The following OSMR variants were observed in gnomAD, a reference collection of about 807,000 sequenced individuals.
OSMR encodes the protein oncostatin-M-specific receptor subunit beta.
OSMR carries 81 observed loss-of-function variants against 99.9 expected under a neutral mutation model. The observed-to-expected ratio is 0.81, with a 90% CI of 0.68 to 0.97. The LOEUF (loss-of-function observed/expected upper bound fraction) is 0.97, where lower values mean the gene tolerates loss of function less well. Among genes scored for constraint, OSMR ranks in the 50% least tolerant of loss-of-function variants. The pLI is 0.00. For synonymous variants in OSMR, 406 were observed against 410.4 expected, an observed-to-expected ratio of 0.99 and a Z score of 0.13; for missense variants, 1,099 against 1,153.4, an observed-to-expected ratio of 0.95 and a Z score of 0.68.
At chr5:38,880,469 C>T (rs932588668) in intron 3 of OSMR, among the ~76,000 whole-genome samples, 1 of 152,068 alleles carries the variant, frequency 6.6e-6, no homozygotes, top group Non-Finnish European at 1.5e-5. Flanking sequence ...CCTGCTCCCT[C>T]GGGACCATGC....
chr5:38,926,002 AGAAG>A (rs1746456737), intron 15 of OSMR, among the ~76,000 whole-genome samples: 1 of 152,194 alleles, frequency 6.6e-6, no homozygotes, highest in Admixed American at 6.5e-5. Flanking sequence ...AGATGAAGTA[AGAAG>A]GAAGGGAGAA....
intron 3 of OSMR, among the ~76,000 whole-genome samples, chr5:38,880,051 A>C (rs2112348847): frequency 6.6e-6 from 1 of 152,318 alleles, no homozygotes; most frequent in East Asian, 1.9e-4. Flanking sequence ...ATAAAATATA[A>C]ACATTTAAAA....
At chr5:38,931,739 A>G in intron 15 of OSMR, 144 bp from the exon 16 acceptor site, 12 of 1,433,842 alleles carry the variant, frequency 8.4e-6, no homozygotes, top group Non-Finnish European at 9.2e-6. Flanking sequence ...CCCTGAAGTC[A>G]GGCAGAATTC....
Position 38,904,387 on chromosome 5 carries a change from T to C in OSMR, c.1169T>C (p.Phe390Ser), listed in dbSNP as rs1177682734. ...TCCATCAAGGTGAACGGTGAGTACT[T>C]CTTAAGTGAACTGGAACCTGCCACA... ...NVSIKVNGEYFLSELEPATEY... is the reference protein window; with the variant it reads ...NVSIKVNGEYSLSELEPATEY... The change falls in exon 9 of 18, where the codon TTC (phenylalanine) becomes TCC (serine). Residue 390 changes from phenylalanine (F) to serine (S), a missense_variant. Physicochemically the swap from Phe to Ser is radical, Grantham distance 155. Coordinates refer to ENST00000274276, the MANE Select transcript of OSMR (RefSeq NM_003999.3). 2.2e-5 allele frequency: 35 copies of C among 1,614,104 alleles called. No homozygotes were observed. Among genetic ancestry groups the C allele is most frequent in the Non-Finnish European group, 2.9e-5 (34 of 1,179,960 alleles).
At chr5:38,895,554 A>T (rs1744451366) in intron 7 of OSMR, among the ~76,000 whole-genome samples, 1 of 152,026 alleles carries the variant, frequency 6.6e-6, no homozygotes, top group Non-Finnish European at 1.5e-5. Context: ...CCCTTATCAG[A>T]TGGGTAGTTT....
rs1440025194 is a variant in OSMR at position 38,862,625 on chromosome 5, T to C, written c.-13-6407T>C. Among the ~76,000 whole-genome samples, 4 of 148,474 alleles carry C rather than the reference T, an allele frequency of 2.7e-5. No individual in the cohort carries two copies. The East Asian group carries it at 8.1e-4, about 30-fold the overall frequency. ...CCGGGTCGCGGCCAGGCAGAGGCGC[T>C]CCTCACATCCCAGACGGGGCGGCAG... On this transcript the variant is annotated intron_variant, in intron 1 of 17. Coordinates refer to ENST00000274276, the MANE Select transcript of OSMR (RefSeq NM_003999.3).
intron 4 of OSMR, 93 bp downstream of exon 4, chr5:38,881,857 C>G (rs1010381709): frequency 9.1e-7 from 1 of 1,094,626 alleles, no homozygotes; most frequent in African/African-American, 1.5e-5. Context: ...TTTGAGGAAC[C>G]CTGGGTAGAC....
rs767863858 is a variant in OSMR, at chr5:38,918,877, T to C, written c.1400T>C (p.Phe467Ser). 6.2e-7 allele frequency: 1 copy of C among 1,614,148 alleles called. No homozygotes were observed. The highest frequency in any genetic ancestry group is 1.1e-5 in the South Asian group (1 of 91,086). The stretch of plus-strand genomic sequence containing the variant: ...CTGCATGCCAATGGAAAGATCCTGT[T>C]CTATAATGTAGTTGTAGAAAACCTA... ...SKLHANGKIL[F>S]YNVVVENLDK... The change falls in exon 11 of 18, where the codon TTC becomes TCC. Residue 467 changes from phenylalanine (F) to serine (S), a missense_variant. Physicochemically the swap from Phe to Ser is radical, Grantham distance 155. Coordinates refer to ENST00000274276, the MANE Select transcript of OSMR (RefSeq NM_003999.3).
At chr5:38,900,704 G>A (rs1484318585) in intron 7 of OSMR, among the ~76,000 whole-genome samples, 1 of 152,200 alleles carries the variant, frequency 6.6e-6, no homozygotes, top group South Asian at 2.1e-4. Flanking sequence ...CAATAACAAG[G>A]GCGGTGTCAG....
chr5:38,925,175 T>G (rs780957090), intron 14 of OSMR, 29 bp from the exon 15 acceptor site: 16 of 1,611,330 alleles, frequency 9.9e-6, no homozygotes, highest in Non-Finnish European at 1.4e-5. Flanking sequence ...TTTTTTTCCT[T>G]GAAAAAAAAA....
intron 1 of OSMR, among the ~76,000 whole-genome samples, chr5:38,864,540 G>GTTTTT (rs33918195): frequency 4.1e-5 from 6 of 147,246 alleles, no homozygotes; most frequent in Non-Finnish European, 4.5e-5. Flanking sequence ...CTTGCCTGAA[G>GTTTTT]TTTTTTTTTT....
chr5:38,909,118 A>G (rs1415479968), intron 9 of OSMR, among the ~76,000 whole-genome samples: 1 of 152,250 alleles, frequency 6.6e-6, no homozygotes, highest in African/African-American at 2.4e-5. Context: ...CAAGAATTTC[A>G]TAATACAAAT....
At chr5:38,876,429 T>C in intron 3 of OSMR, 56 bp downstream of exon 3, 1 of 1,431,706 alleles carries the variant, frequency 7.0e-7, no homozygotes, top group Non-Finnish European at 9.8e-7. Context: ...AAAGACACCT[T>C]GGTTTTCTTT....
rs758179929 is a variant in OSMR, at chr5:38,903,862, C to G, written c.992-20C>G. On this transcript the variant is annotated intron_variant, in intron 7 of 17. Coordinates refer to ENST00000274276, the MANE Select transcript of OSMR (RefSeq NM_003999.3). ...GATCTATGCTTGAATTTTTTTGTTT[C>G]TTTTTCTTTTTTTTGACAGTTTATT... The G allele has an allele frequency of 6.2e-7, 1 of 1,602,058 alleles. No individual in the cohort carries two copies.
intron 1 of OSMR, chr5:38,940,765 T>A (rs986665480): frequency 5.6e-5 from 13 of 232,068 alleles, no homozygotes; most frequent in Non-Finnish European, 9.4e-5. Context: ...TTCCAGTAAA[T>A]AAATTTTTTA....
chr5:38,939,651 T>C (rs1177629355), downstream of OSMR: 1 of 231,274 alleles, frequency 4.3e-6, no homozygotes, highest in Non-Finnish European at 8.5e-6. Flanking sequence ...ATTCATAGTT[T>C]ACAACCAGCA....
At chr5:38,918,345 C>G (rs986891653) in intron 10 of OSMR, among the ~76,000 whole-genome samples, 13 of 151,970 alleles carry the variant, frequency 8.6e-5, no homozygotes. Context: ...ACTGTGTGGG[C>G]AAGAATTTCT....
chr5:38,899,826 G>C (rs767315440), intron 7 of OSMR, among the ~76,000 whole-genome samples: 1 of 152,138 alleles, frequency 6.6e-6, no homozygotes, highest in African/African-American at 2.4e-5. Context: ...TTCTCCTCAC[G>C]CAGAAGGAAA....
rs1742091399 is a variant in OSMR at position 38,868,191 on chromosome 5, C to T, written c.-13-841C>T. Reference sequence around the variant, plus strand: ...AATTGGTTGATCAGTTATCCATTGCCACCAACCATCAGTGGCACACAGCAA... The same window carrying T: ...AATTGGTTGATCAGTTATCCATTGCTACCAACCATCAGTGGCACACAGCAA... On this transcript the variant is annotated intron_variant, in intron 1 of 17. Coordinates refer to ENST00000274276, the MANE Select transcript of OSMR (RefSeq NM_003999.3). Among the ~76,000 whole-genome samples the T allele has an allele frequency of 4.6e-5, 7 of 152,272 alleles. 1 individual carries two copies. In the South Asian group the frequency reaches 1.5e-3, roughly 32 times the overall value.
Sources: gnomAD v4.1 joint callset for allele counts (sites outside exome capture counted in the v4.1 genomes callset) on GRCh38, gnomAD v4.1.1 for gene constraint, MANE v1.5 for transcripts, NCBI Gene and HGNC (gene_info 2026-07-23, HGNC 2026-07-21) for gene names.